Variants in DYNC1I1 observed in about 807,000 individuals in gnomAD.
DYNC1I1 encodes cytoplasmic dynein 1 intermediate chain 1.
In DYNC1I1, 43 loss-of-function variants were observed where a neutral mutation model predicts 86.6. The observed-to-expected ratio is 0.50, with a 90% CI of 0.39 to 0.64. The LOEUF (loss-of-function observed/expected upper bound fraction) is 0.64, where lower values mean the gene tolerates loss of function less well. DYNC1I1 is among the 30% of genes least tolerant of loss of function. DYNC1I1 has a pLI of 0.00. For missense variants in DYNC1I1, 604 were observed against 788.8 expected (o/e 0.77, Z 2.81); for synonymous variants, 262 against 283.7 (o/e 0.92, Z 0.77).
chr7:95,805,201 G>A (rs1016303242), intron 2 of DYNC1I1, among the ~76,000 whole-genome samples: 2 of 151,930 alleles, frequency 1.3e-5, no homozygotes, highest in Non-Finnish European at 1.5e-5. Context: ...TTATTTTGTG[G>A]GGTTGCACTT....
At chr7:95,874,954 C>T (rs576733678) in intron 6 of DYNC1I1, among the ~76,000 whole-genome samples, 3 of 152,312 alleles carry the variant, frequency 2.0e-5, no homozygotes, top group Admixed American at 6.5e-5. Flanking sequence ...TCCTGACTTC[C>T]GGTCACTGGA....
rs1051089738 is a variant in DYNC1I1, at chr7:96,061,220, G to A, written c.1510-14837G>A. Among the ~76,000 whole-genome samples, 11 of 152,166 alleles carry A rather than the reference G, an allele frequency of 7.2e-5. No homozygotes were observed. In the East Asian group the frequency reaches 9.6e-4, roughly 13 times the overall value. On this transcript the variant is annotated intron_variant, in intron 14 of 16. Transcript: ENST00000447467. ...GCGAAGGGGAAAACACACTTGGAAC[G>A]CCTGGTCCTGCCATTTCAGCACGAA...
At chr7:96,004,602 G>A (rs953402778) in intron 10 of DYNC1I1, among the ~76,000 whole-genome samples, 5 of 151,206 alleles carry the variant, frequency 3.3e-5, no homozygotes, top group African/African-American at 1.2e-4. Flanking sequence ...AAGAAAACAG[G>A]AGCAAAAAAT....
At chr7:95,849,552 T>A (rs1458680291) in intron 5 of DYNC1I1, among the ~76,000 whole-genome samples, 1 of 152,000 alleles carries the variant, frequency 6.6e-6, no homozygotes, top group African/African-American at 2.4e-5. Flanking sequence ...ATTTGTGGGC[T>A]CTCAGTTCTG....
At chr7:95,871,099 G>T (rs1790151332) in intron 6 of DYNC1I1, among the ~76,000 whole-genome samples, 1 of 152,078 alleles carries the variant, frequency 6.6e-6, no homozygotes, top group Non-Finnish European at 1.5e-5. Flanking sequence ...TTCAGTTTTG[G>T]TTCTAAATAA....
chr7:96,077,276 T>TGTGTGGGG (rs1554443206), intron 15 of DYNC1I1, among the ~76,000 whole-genome samples: 6 of 137,262 alleles, frequency 4.4e-5, no homozygotes, highest in African/African-American at 1.4e-4. Context: ...TGTGTGTGTG[T>TGTGTGGGG]GGGAGGGGGC....
At chr7:95,811,502 A>G (rs894487849) in intron 3 of DYNC1I1, among the ~76,000 whole-genome samples, 1 of 152,080 alleles carries the variant, frequency 6.6e-6, no homozygotes, top group African/African-American at 2.4e-5. Context: ...GCAAATGTTT[A>G]TATCAATGTG....
intron 6 of DYNC1I1, among the ~76,000 whole-genome samples, chr7:95,890,301 G>A (rs1790703878): frequency 2.0e-5 from 3 of 152,134 alleles, no homozygotes; most frequent in Admixed American, 2.0e-4. Context: ...GAAGCTGGAG[G>A]CCATTATCCT....
At chr7:96,050,198 C>A (rs1402573449) in intron 14 of DYNC1I1, among the ~76,000 whole-genome samples, 1 of 152,096 alleles carries the variant, frequency 6.6e-6, no homozygotes, top group Non-Finnish European at 1.5e-5. Context: ...AAAAGGAAGT[C>A]TGTATTCGAG....
intron 9 of DYNC1I1, among the ~76,000 whole-genome samples, chr7:95,989,160 G>A (rs1229801577): frequency 6.6e-6 from 1 of 152,172 alleles, no homozygotes; most frequent in Non-Finnish European, 1.5e-5. Flanking sequence ...TAGACAAATG[G>A]AGGGGAGAAG....
chr7:96,010,025 C>T (rs895352245), intron 10 of DYNC1I1, among the ~76,000 whole-genome samples: 1 of 152,170 alleles, frequency 6.6e-6, no homozygotes, highest in South Asian at 2.1e-4. Flanking sequence ...GTGATCCACC[C>T]GTCTCGGCCT....
rs145774961 is a variant in DYNC1I1, at chr7:95,872,779, A to G, written c.490+2781A>G. ...GATACCTTTGCCCCAATATATTTGA[A>G]ACACATAATTTTATTCCCAAGTAGC... On this transcript the variant is annotated intron_variant, in intron 6 of 16. Coordinates refer to ENST00000447467, the MANE Select transcript of DYNC1I1 (RefSeq NM_001135556.2). Among the ~76,000 whole-genome samples, 3 of 152,312 alleles carry G rather than the reference A, an allele frequency of 2.0e-5. No individual in the cohort carries two copies. The East Asian group carries it at 5.8e-4, about 29-fold the overall frequency.
At chr7:96,096,581 A>G (rs1291107437) in intron 16 of DYNC1I1, among the ~76,000 whole-genome samples, 1 of 151,912 alleles carries the variant, frequency 6.6e-6, no homozygotes, top group African/African-American at 2.4e-5. Flanking sequence ...TTATTTTTGG[A>G]TGCTATGTGG....
At chr7:95,997,582 CTTGTGTGTGT>C (rs1245774918) in intron 10 of DYNC1I1, among the ~76,000 whole-genome samples, 4 of 117,188 alleles carry the variant, frequency 3.4e-5, no homozygotes, top group Admixed American at 8.0e-5. Flanking sequence ...AAAGGGCATT[CTTGTGTGTGT>C]GTGTGTGTGT....
downstream of DYNC1I1, among the ~76,000 whole-genome samples, chr7:96,102,342 T>C (rs1584322526): frequency 6.6e-6 from 1 of 152,098 alleles, no homozygotes; most frequent in East Asian, 1.9e-4. Context: ...AAGCAAGAAT[T>C]AACTAATGTA....
chr7:96,004,722 G>A (rs760505308), intron 10 of DYNC1I1, among the ~76,000 whole-genome samples: 3 of 151,636 alleles, frequency 2.0e-5, no homozygotes, highest in Non-Finnish European at 2.9e-5. Context: ...TTTCACAAAA[G>A]AGAATTATAG....
chr7:95,891,283 C>G (rs979338643), intron 6 of DYNC1I1, among the ~76,000 whole-genome samples: 1 of 152,192 alleles, frequency 6.6e-6, no homozygotes, highest in Non-Finnish European at 1.5e-5. Flanking sequence ...AGTCTGTGGT[C>G]CTCTGTTATG....
chr7:96,029,046 C>A (rs982945278), intron 11 of DYNC1I1, among the ~76,000 whole-genome samples: 1 of 152,104 alleles, frequency 6.6e-6, no homozygotes, highest in Admixed American at 6.6e-5. Context: ...CAAATTATGC[C>A]CAAGGATACA....
At chr7:95,995,559 C>T (rs183945178) in intron 9 of DYNC1I1, among the ~76,000 whole-genome samples, 47 of 152,048 alleles carry the variant, frequency 3.1e-4, no homozygotes, top group Admixed American at 9.2e-4. Flanking sequence ...ACTTACTCAG[C>T]GAGAATAGCC....
Sources: gnomAD v4.1 joint callset for allele counts (sites outside exome capture counted in the v4.1 genomes callset) on GRCh38, gnomAD v4.1.1 for gene constraint, MANE v1.5 for transcripts, NCBI Gene and HGNC (gene_info 2026-07-23, HGNC 2026-07-21) for gene names.